The following FCHSD2 variants were observed in gnomAD, a reference collection of about 807,000 sequenced individuals.
FCHSD2 encodes the protein F-BAR and double SH3 domains protein 2.
A neutral mutation model predicts 108.1 loss-of-function variants in FCHSD2; 38 were observed. The observed-to-expected ratio is 0.35, with a 90% confidence interval of 0.27 to 0.46. The LOEUF (loss-of-function observed/expected upper bound fraction) is 0.46, where lower values mean the gene tolerates loss of function less well. Among genes scored for constraint, FCHSD2 ranks in the 20% least tolerant of loss-of-function variants. The pLI is 1.00. For missense variants in FCHSD2, 751 were observed against 897.8 expected, an observed-to-expected ratio of 0.84 and a Z score of 2.09; for synonymous variants, 279 against 314.7, an observed-to-expected ratio of 0.89 and a Z score of 1.20.
At chr11:72,944,596 G>A (rs1343365255) in intron 8 of FCHSD2, among the ~76,000 whole-genome samples, 1 of 152,186 alleles carries the variant, frequency 6.6e-6, no homozygotes, top group African/African-American at 2.4e-5. Context: ...ATTAGGAAAA[G>A]AGGAAGTCAA....
intron 8 of FCHSD2, among the ~76,000 whole-genome samples, chr11:72,932,439 C>T (rs576128246): frequency 1.3e-5 from 2 of 152,328 alleles, no homozygotes; most frequent in Admixed American, 1.3e-4. Flanking sequence ...ATTATCTGAA[C>T]TTGGCATACC....
At chr11:73,042,457 A>G (rs1439287800) in intron 3 of FCHSD2, among the ~76,000 whole-genome samples, 1 of 152,188 alleles carries the variant, frequency 6.6e-6, no homozygotes, top group Non-Finnish European at 1.5e-5. Flanking sequence ...TTTGGTTACA[A>G]TAGCTTTGTA....
chr11:72,893,410 A>G (rs1274610908), intron 10 of FCHSD2, among the ~76,000 whole-genome samples: 1 of 152,092 alleles, frequency 6.6e-6, no homozygotes. Context: ...TGACCTCCCA[A>G]GCTCAAGCAA....
intron 8 of FCHSD2, among the ~76,000 whole-genome samples, chr11:72,932,316 C>G (rs1463268939): frequency 6.6e-6 from 1 of 152,206 alleles, no homozygotes; most frequent in Non-Finnish European, 1.5e-5. Flanking sequence ...CATTTCCACT[C>G]TGCAGCTAGG....
At chr11:72,866,365 GT>G (rs1854725203) in intron 13 of FCHSD2, among the ~76,000 whole-genome samples, 1 of 152,132 alleles carries the variant, frequency 6.6e-6, no homozygotes, top group Non-Finnish European at 1.5e-5. Flanking sequence ...TGCCTCCCGG[GT>G]TCAAGCGATT....
At chr11:72,986,152 G>A (rs985493888) in intron 6 of FCHSD2, among the ~76,000 whole-genome samples, 1 of 152,036 alleles carries the variant, frequency 6.6e-6, no homozygotes, top group African/African-American at 2.4e-5. Flanking sequence ...AAAAAAATTG[G>A]GTTTAAAAGA....
At chr11:73,038,072 A>G (rs1858542200) in intron 3 of FCHSD2, among the ~76,000 whole-genome samples, 1 of 152,236 alleles carries the variant, frequency 6.6e-6, no homozygotes, top group Non-Finnish European at 1.5e-5. Flanking sequence ...CTGAAATATT[A>G]AAAACAAAAC....
chr11:73,039,960 A>T (rs1450030374), intron 3 of FCHSD2, among the ~76,000 whole-genome samples: 3 of 152,242 alleles, frequency 2.0e-5, no homozygotes, highest in African/African-American at 7.2e-5. Flanking sequence ...TATACCAAAG[A>T]TGATATGGAA....
rs192871727 is a variant in FCHSD2 at position 73,090,375 on chromosome 11, G to A, written c.120-6635C>T. Among the ~76,000 whole-genome samples the A allele has an allele frequency of 1.0e-3, 158 of 151,864 alleles. 1 individual carries two copies. Among genetic ancestry groups the A allele is most frequent in the African/African-American group, 3.6e-3 (151 of 41,464 alleles). On this transcript the variant is annotated intron_variant, in intron 2 of 19. Transcript: ENST00000409418. Reference sequence around the variant, plus strand: ...CAAGTAGCTGGGACTACAGACGCCCGCCACTACGCCCAGCTAATTTTTTGT... The same window carrying A: ...CAAGTAGCTGGGACTACAGACGCCCACCACTACGCCCAGCTAATTTTTTGT...
At chr11:73,050,523 T>A (rs1391428914) in intron 3 of FCHSD2, among the ~76,000 whole-genome samples, 1 of 152,132 alleles carries the variant, frequency 6.6e-6, no homozygotes, top group African/African-American at 2.4e-5. Flanking sequence ...CTTAAATAGT[T>A]CCTTTCGTGG....
intron 12 of FCHSD2, among the ~76,000 whole-genome samples, chr11:72,871,749 C>A (rs1854863185): frequency 2.0e-5 from 2 of 99,662 alleles, no homozygotes; most frequent in Non-Finnish European, 1.9e-5. Flanking sequence ...ACCTTTGGTA[C>A]ATAATTTTTT....
intron 8 of FCHSD2, among the ~76,000 whole-genome samples, chr11:72,959,852 G>GA: frequency 9.8e-6 from 1 of 101,628 alleles, no homozygotes; most frequent in Non-Finnish European, 2.1e-5. Context: ...TAAGTTTCTA[G>GA]GGTGTGTGTG....
intron 19 of FCHSD2, among the ~76,000 whole-genome samples, chr11:72,840,122 C>A (rs1378280826): frequency 1.3e-5 from 2 of 152,302 alleles, no homozygotes; most frequent in East Asian, 3.9e-4. Flanking sequence ...CTTTCTGCCA[C>A]CCTCCATCCA....
chr11:73,008,167 C>A (rs1022107786), intron 4 of FCHSD2, among the ~76,000 whole-genome samples: 1 of 151,910 alleles, frequency 6.6e-6, no homozygotes, highest in Admixed American at 6.6e-5. Flanking sequence ...AGTAAAACCC[C>A]ATCTCTACTA....
chr11:72,915,218 TG>T (rs1293575045), intron 9 of FCHSD2, among the ~76,000 whole-genome samples: 1 of 151,692 alleles, frequency 6.6e-6, no homozygotes, highest in Non-Finnish European at 1.5e-5. Context: ...CCAATAAGAA[TG>T]GTTATCAATA....
Position 73,083,158 on chromosome 11 carries a change from A to C in FCHSD2, c.165+537T>G, listed in dbSNP as rs374661276. ...AAAGTATTATTATTCATACTTGTAA[A>C]TACTTTACAAATATAGTAAATAATG... On this transcript the variant is annotated intron_variant, in intron 3 of 19. Transcript: ENST00000409418. Among the ~76,000 whole-genome samples, 13 of 152,372 alleles carry C rather than the reference A, an allele frequency of 8.5e-5. No individual in the cohort carries two copies. In the South Asian group the frequency reaches 2.7e-3, roughly 32 times the overall value.
At position 72,837,790 on chromosome 11, in the gene FCHSD2, T is replaced by G. The variant is rs893258988; in HGVS notation, c.*1001A>C. 4 of 152,256 alleles carry G rather than the reference T, an allele frequency of 2.6e-5. No homozygotes were observed. The highest frequency in any genetic ancestry group is 6.5e-5 in the Admixed American group (1 of 15,290). The allele number at this position is 152,256 out of a possible 1,614,324, so 9.4% of individuals were successfully genotyped here. A position where few individuals can be genotyped will look rare whatever the true frequency, so the allele number is the denominator to read the frequency against. On this transcript the variant is annotated 3_prime_UTR_variant, in exon 20 of 20. Transcript: ENST00000409418. ...GGTAGTGGGACCTGGAAGCTGCATT[T>G]TCCACCATAGCAGTTGGTCTGGACC...
chr11:73,125,039 ATATC>A (rs1243362056), intron 2 of FCHSD2, among the ~76,000 whole-genome samples: 1 of 152,210 alleles, frequency 6.6e-6, no homozygotes. Context: ...TCCAGCAAAA[ATATC>A]TTCCCAAAGT....
At chr11:73,005,576 C>T (rs953732830) in intron 4 of FCHSD2, among the ~76,000 whole-genome samples, 1 of 152,140 alleles carries the variant, frequency 6.6e-6, no homozygotes, top group African/African-American at 2.4e-5. Flanking sequence ...AAGTCAGACC[C>T]CAGGCTTCTT....
Sources: gnomAD v4.1 joint callset for allele counts (sites outside exome capture counted in the v4.1 genomes callset) on GRCh38, gnomAD v4.1.1 for gene constraint, MANE v1.5 for transcripts, NCBI Gene and HGNC (gene_info 2026-07-23, HGNC 2026-07-21) for gene names.